Variants in HEG1 observed in about 807,000 individuals in gnomAD.
HEG1 encodes the protein protein HEG homolog 1.
HEG1 carries 56 observed loss-of-function variants against 125.6 expected under a neutral mutation model. The ratio of observed to expected loss-of-function variants is 0.45; its 90% CI spans 0.36 to 0.56. The LOEUF (loss-of-function observed/expected upper bound fraction) is 0.56. Among genes scored for constraint, HEG1 ranks in the 20% least tolerant of loss-of-function variants. The pLI, the probability that HEG1 is intolerant of heterozygous loss-of-function variation, is 0.00. For missense variants in HEG1, 1,523 were observed against 1,670.0 expected (o/e 0.91, Z 1.53); for synonymous variants, 644 against 668.5 (o/e 0.96, Z 0.57).
At chr3:125,011,950 GC>G (rs1937162455) in intron 6 of HEG1, among the ~76,000 whole-genome samples, 1 of 152,160 alleles carries the variant, frequency 6.6e-6, no homozygotes, top group Non-Finnish European at 1.5e-5. Flanking sequence ...CTTCAACGTG[GC>G]TACAAAAACA....
rs148153656 is a variant in HEG1 at position 125,042,918 on chromosome 3, C to T, written c.316+12657G>A. Among the ~76,000 whole-genome samples, 12 of 152,300 alleles carry T rather than the reference C, an allele frequency of 7.9e-5. No individual in the cohort carries two copies. The East Asian group carries it at 9.7e-4, about 12-fold the overall frequency. ...TGGGCTGTGTTTTGAAATGCTGCTG[C>T]GGATGTAATGATTTTGGGTGGAGGA... is the stretch of plus-strand genomic sequence containing the variant. On this transcript the variant is annotated intron_variant, in intron 1 of 16. Coordinates refer to ENST00000311127, the MANE Select transcript of HEG1 (RefSeq NM_020733.2).
At chr3:125,002,503 C>T (rs1353257706) in intron 9 of HEG1, among the ~76,000 whole-genome samples, 188 bp from the exon 10 acceptor site, 1 of 152,108 alleles carries the variant, frequency 6.6e-6, no homozygotes, top group East Asian at 1.9e-4. Context: ...TCCATGAGTA[C>T]AAAGAGAAAG....
chr3:125,013,905 T>C lies in HEG1; in HGVS notation c.1674A>G (p.Ser558=), dbSNP rs1032615801. ...SSDHTDHTYL[S]STFTKGERAL... is the part of the protein sequence containing the mutation. ...CCCGTTCTCCTTTGGTGAAAGTAGA[T>C]GACAGGTAGGTGTGGTCTGTGTGGT... The change falls in exon 6 of 17, where the codon TCA becomes TCG. Residue 558 remains serine (S), a synonymous_variant. Transcript: ENST00000311127. The C allele has an allele frequency of 1.2e-6, 2 of 1,613,824 alleles. No homozygotes were observed. The highest frequency in any genetic ancestry group is 2.7e-5 in the African/African-American group (2 of 74,918).
In HEG1 at chr3:125,029,431, G is replaced by C. The variant is rs1211608657; in HGVS notation, c.374C>G (p.Thr125Ser). ...AAAGTCCTCTTGATTCTGATAGAAG[G>C]TGATGTTTTCTACATGGGCCTCAGT... The part of the protein sequence containing the change: ...SNTEAHVENI[T>S]FYQNQEDFST... Residue 125 changes from threonine (T) to serine (S), a missense_variant, in exon 2 of 17, where the codon ACC (threonine) becomes AGC (serine). Coordinates refer to ENST00000311127, the MANE Select transcript of HEG1 (RefSeq NM_020733.2). The C allele has an allele frequency of 1.2e-6, 2 of 1,605,294 alleles. No homozygotes were observed. The highest frequency in any genetic ancestry group is 1.7e-6 in the Non-Finnish European group (2 of 1,179,812).
At chr3:125,051,123 T>C (rs1937795824) in intron 1 of HEG1, among the ~76,000 whole-genome samples, 1 of 152,244 alleles carries the variant, frequency 6.6e-6, no homozygotes, top group South Asian at 2.1e-4. Flanking sequence ...CAATAACCTA[T>C]GGATTGGCAT....
At chr3:124,987,952 C>CACACAT in intron 14 of HEG1, among the ~76,000 whole-genome samples, 20 of 54,702 alleles carry the variant, frequency 3.7e-4, no homozygotes, top group Admixed American at 1.8e-3. Flanking sequence ...CACACACACA[C>CACACAT]ATATATATAT....
intron 16 of HEG1, among the ~76,000 whole-genome samples, chr3:124,972,854 G>C (rs1936469728): frequency 6.6e-6 from 1 of 152,134 alleles, no homozygotes; most frequent in African/African-American, 2.4e-5. Flanking sequence ...CTTTCCAAAT[G>C]ATGCAGTCCA....
At chr3:124,990,284 C>T (rs566647845) in intron 14 of HEG1, among the ~76,000 whole-genome samples, 20 of 152,114 alleles carry the variant, frequency 1.3e-4, no homozygotes, top group Non-Finnish European at 2.6e-4. Flanking sequence ...AGACCTTGAG[C>T]CCCTGAACAG....
chr3:125,019,597 G>A lies in HEG1; in HGVS notation c.1253C>T (p.Thr418Ile), dbSNP rs755950460. The part of the protein sequence containing the change: ...TSLRWQNDSP[T>I]FGEHQLASSS... ...GCTGGCAAGCTGATGTTCTCCAAAG[G>A]CTGTAAGGTAATATAGGAAAAAAAG... Residue 418 changes from threonine (T) to isoleucine (I), a missense_variant and splice_region_variant, in exon 5 of 17, where the codon ACC becomes ATC. Coordinates refer to ENST00000311127, the MANE Select transcript of HEG1 (RefSeq NM_020733.2). 1.9e-6 allele frequency: 3 copies of A among 1,599,818 alleles called. No individual in the cohort carries two copies. The highest frequency in any genetic ancestry group is 2.6e-6 in the Non-Finnish European group (3 of 1,168,116).
intron 1 of HEG1, among the ~76,000 whole-genome samples, chr3:125,037,317 G>C (rs1937556173): frequency 6.6e-6 from 1 of 152,244 alleles, no homozygotes; most frequent in Non-Finnish European, 1.5e-5. Context: ...AAGCCACTTA[G>C]GAATGGGCTT....
chr3:125,029,165 G>A (rs777497222), intron 2 of HEG1, 30 bp downstream of exon 2: 14 of 1,597,038 alleles, frequency 8.8e-6, no homozygotes, highest in Non-Finnish European at 1.2e-5. Context: ...ACACACATGC[G>A]TGAAATGCGC....
chr3:125,027,318 T>C lies in HEG1; in HGVS notation c.800A>G (p.Glu267Gly), dbSNP rs1937429961. The C allele has an allele frequency of 5.6e-6, 9 of 1,613,780 alleles. No individual in the cohort carries two copies. The South Asian group carries it at 8.8e-5, about 16-fold the overall frequency. ...AGAAGGCGTGGTCAGCTCTCCCATC[T>C]CCAAAGCAGGAAGAAAGGACGGGCT... is the stretch of plus-strand genomic sequence containing the variant. Reference protein sequence around the residue: ...AWSPSFLPALEMGELTTPSRK... With the variant: ...AWSPSFLPALGMGELTTPSRK... Residue 267 changes from glutamate (E) to glycine (G), a missense_variant, in exon 3 of 17, where the codon GAG (glutamate) becomes GGG (glycine). By Grantham distance (98) the Glu-to-Gly change is moderately conservative (BLOSUM62 -2). Transcript: ENST00000311127.
chr3:125,049,779 C>T (rs1349872069), intron 1 of HEG1, among the ~76,000 whole-genome samples: 1 of 152,162 alleles, frequency 6.6e-6, no homozygotes, highest in Admixed American at 6.5e-5. Context: ...ACCAGCATTC[C>T]AGTGTCTCTT....
chr3:124,994,780 A>G (rs1324854038), intron 12 of HEG1, among the ~76,000 whole-genome samples: 1 of 152,232 alleles, frequency 6.6e-6, no homozygotes, highest in African/African-American at 2.4e-5. Context: ...CTGGGATTAT[A>G]GGCGTGAGCC....
intron 4 of HEG1, 97 bp from the exon 5 acceptor site, chr3:125,019,694 C>T: frequency 1.1e-6 from 1 of 881,690 alleles, no homozygotes; most frequent in Non-Finnish European, 1.8e-6. Context: ...AGATTCTTTG[C>T]CAAGGAACCT....
At chr3:125,016,692 C>T (rs893305163) in intron 5 of HEG1, among the ~76,000 whole-genome samples, 4 of 152,192 alleles carry the variant, frequency 2.6e-5, no homozygotes, top group Non-Finnish European at 5.9e-5. Flanking sequence ...CTAATAAATG[C>T]TAATCTTCCT....
Position 125,012,727 on chromosome 3 carries a change from T to C in HEG1, c.2852A>G (p.Gln951Arg), listed in dbSNP as rs1258588796. Residue 951 changes from glutamine (Q) to arginine (R), a missense_variant, in exon 6 of 17, where the codon CAA becomes CGA. Physicochemically the swap from Gln to Arg is conservative, Grantham distance 43. Coordinates refer to ENST00000311127, the MANE Select transcript of HEG1 (RefSeq NM_020733.2). ...SRSLGTSPSP[Q>R]TTVVSTAEDL... Reference sequence around the variant, plus strand: ...TTCAGCCGTGGAAACAACTGTGGTTTGGGGAGAAGGAGATGTTCCGAGGGA... The same window carrying C: ...TTCAGCCGTGGAAACAACTGTGGTTCGGGGAGAAGGAGATGTTCCGAGGGA... The C allele has an allele frequency of 1.2e-6, 2 of 1,613,964 alleles. No individual in the cohort carries two copies. Among genetic ancestry groups the C allele is most frequent in the Non-Finnish European group, 1.7e-6 (2 of 1,179,874 alleles).
At position 124,984,487 on chromosome 3, in the gene HEG1, G is replaced by A. The variant is rs545435062; in HGVS notation, c.3733+6300C>T. ...AAAACAGAAAAATGGGGCCAGGCAC[G>A]GTGGCTCATGCCTGTAATCCCAGCG... On this transcript the variant is annotated intron_variant, in intron 14 of 16. Transcript: ENST00000311127. Among the ~76,000 whole-genome samples the A allele has an allele frequency of 2.0e-4, 30 of 152,240 alleles. No individual in the cohort carries two copies. In the Middle Eastern group the frequency reaches 0.01, roughly 52 times the overall value.
At position 124,977,937 on chromosome 3, in the gene HEG1, A is replaced by T; in HGVS notation, c.3743T>A (p.Leu1248His). 6.4e-7 allele frequency: 1 copy of T among 1,573,548 alleles called. No individual in the cohort carries two copies. Among genetic ancestry groups the T allele is most frequent in the Non-Finnish European group, 8.6e-7 (1 of 1,159,596 alleles). The part of the protein sequence containing the change: ...GGLNCGNPYQ[L>H]ITVVIAAAGG... ...CGCGGCTGCGATCACCACAGTGATAAGCTGATAGGCTAAACGTAAAACAAA... is the reference window on the plus strand; with the variant it reads ...CGCGGCTGCGATCACCACAGTGATATGCTGATAGGCTAAACGTAAAACAAA... The change falls in exon 15 of 17, where the codon CTT (leucine) becomes CAT (histidine). Residue 1248 changes from leucine to histidine, a missense_variant. Transcript: ENST00000311127.
Sources: allele counts gnomAD v4.1 joint callset (sites outside exome capture counted in the v4.1 genomes callset), GRCh38; gene constraint gnomAD v4.1.1; transcripts MANE v1.5; gene names NCBI Gene and HGNC (gene_info 2026-07-23, HGNC 2026-07-21).